The following BABAM2 variants were observed in gnomAD, a reference collection of about 807,000 sequenced individuals.
BABAM2 encodes BRISC and BRCA1 A complex member 2, also known as BRISC and BRCA1-A complex member 2.
In BABAM2, 31 loss-of-function variants were observed where a neutral mutation model predicts 54.7. The observed-to-expected ratio is 0.57, with a 90% CI of 0.43 to 0.77. The LOEUF is 0.77. Ranked by LOEUF, BABAM2 falls within the 30% of genes least tolerant of loss-of-function variation. BABAM2 has a pLI of 0.00. For synonymous variants in BABAM2, 167 were observed against 162.9 expected, an observed-to-expected ratio of 1.03 and a Z score of -0.19; for missense variants, 364 against 455.8, an observed-to-expected ratio of 0.80 and a Z score of 1.83.
rs552881070 is a variant in BABAM2, at chr2:28,314,846, G to A, written c.1088+16355G>A. The stretch of plus-strand genomic sequence containing the variant: ...AGGATTTGATGTGCAGAGAGGGGAG[G>A]ACACTCCTCCAGAGGAAACAGAGTG... On this transcript the variant is annotated intron_variant, in intron 11 of 11. Coordinates refer to ENST00000379624, the MANE Select transcript of BABAM2 (RefSeq NM_199191.3). Among the ~76,000 whole-genome samples, 6 of 151,896 alleles carry A rather than the reference G, an allele frequency of 4.0e-5. No individual in the cohort carries two copies. In the South Asian group the frequency reaches 1.2e-3, roughly 32 times the overall value.
chr2:28,020,888 A>G (rs552326765), intron 4 of BABAM2, among the ~76,000 whole-genome samples: 3 of 151,998 alleles, frequency 2.0e-5, no homozygotes, highest in Admixed American at 2.0e-4. Context: ...GATTAGCTAG[A>G]TTCCCAGAAA....
chr2:28,265,718 G>C (rs1490703492), intron 10 of BABAM2, among the ~76,000 whole-genome samples: 1 of 152,068 alleles, frequency 6.6e-6, no homozygotes, highest in African/African-American at 2.4e-5. Flanking sequence ...CTAAGCCTTT[G>C]AGAAAAACAA....
chr2:28,286,733 GGTGGTTGACACCTCT>G (rs1440809347), intron 10 of BABAM2, among the ~76,000 whole-genome samples: 1 of 152,166 alleles, frequency 6.6e-6, no homozygotes, highest in East Asian at 1.9e-4. Context: ...CATACTGCAT[GGTGGTTGACACCTCT>G]GTTATAACCT....
intron 10 of BABAM2, among the ~76,000 whole-genome samples, chr2:28,283,373 A>G (rs1686543374): frequency 6.6e-6 from 1 of 152,178 alleles, no homozygotes; most frequent in Non-Finnish European, 1.5e-5. Flanking sequence ...ATTTTTAAGT[A>G]AATGTCTCAC....
chr2:28,118,039 G>A lies in BABAM2; in HGVS notation c.571-11232G>A, dbSNP rs563236503. Among the ~76,000 whole-genome samples the A allele has an allele frequency of 1.2e-4, 18 of 152,308 alleles. No individual in the cohort carries two copies. The South Asian group carries it at 3.5e-3, about 30-fold the overall frequency. On this transcript the variant is annotated intron_variant, in intron 6 of 11. Transcript: ENST00000379624. ...TAAAAACTCACTATTGTTTAAACTT[G>A]TTGGGCTCTTGGATTAAAGTCTGGC...
chr2:28,093,675 T>A (rs575934191), intron 6 of BABAM2, among the ~76,000 whole-genome samples: 3 of 152,338 alleles, frequency 2.0e-5, no homozygotes, highest in African/African-American at 7.2e-5. Context: ...TATGAATTAA[T>A]TATTCCATTG....
chr2:27,952,697 GCACTCCAGA>G (rs1020649782), intron 3 of BABAM2, among the ~76,000 whole-genome samples: 1 of 152,130 alleles, frequency 6.6e-6, no homozygotes, highest in Non-Finnish European at 1.5e-5. Context: ...AATGTTACAG[GCACTCCAGA>G]CCAGTTTGGG....
chr2:28,245,101 A>G (rs1362732611), intron 10 of BABAM2, among the ~76,000 whole-genome samples: 1 of 151,980 alleles, frequency 6.6e-6, no homozygotes, highest in African/African-American at 2.4e-5. Flanking sequence ...TTTGATTGTT[A>G]TGACTGAGGG....
chr2:28,112,490 G>A (rs1263359021), intron 6 of BABAM2, among the ~76,000 whole-genome samples: 1 of 151,886 alleles, frequency 6.6e-6, no homozygotes, highest in South Asian at 2.1e-4. Flanking sequence ...AGTTTGCTGA[G>A]AATGGTGGTT....
intron 7 of BABAM2, among the ~76,000 whole-genome samples, chr2:28,190,580 A>G (rs1364163574): frequency 1.3e-5 from 2 of 152,184 alleles, no homozygotes; most frequent in Admixed American, 6.5e-5. Context: ...TTAGCTACTC[A>G]GGAAGCTAAG....
intron 7 of BABAM2, among the ~76,000 whole-genome samples, chr2:28,216,563 A>G (rs1445272615): frequency 6.6e-6 from 1 of 152,192 alleles, no homozygotes; most frequent in Non-Finnish European, 1.5e-5. Flanking sequence ...TCTGAAGTTC[A>G]GGTTGATGGA....
At chr2:27,897,727 T>C (rs750365121) in intron 2 of BABAM2, among the ~76,000 whole-genome samples, 7 of 152,126 alleles carry the variant, frequency 4.6e-5, no homozygotes, top group Non-Finnish European at 8.8e-5. Flanking sequence ...CCCCAGCTTA[T>C]AAATGGTGGT....
chr2:28,180,796 C>G (rs1675539830), intron 7 of BABAM2, among the ~76,000 whole-genome samples: 2 of 151,938 alleles, frequency 1.3e-5, no homozygotes, highest in South Asian at 4.2e-4. Flanking sequence ...AAAAAGTGGG[C>G]AAAGACATGA....
chr2:28,147,920 G>A (rs1671656127), intron 7 of BABAM2, among the ~76,000 whole-genome samples: 1 of 152,092 alleles, frequency 6.6e-6, no homozygotes, highest in Admixed American at 6.5e-5. Context: ...TAGTGATTGA[G>A]ACCACTTAAT....
rs994560542 is a variant in BABAM2, at chr2:28,008,592, C to G, written c.301-16634C>G. The stretch of plus-strand genomic sequence containing the variant: ...TCAATTTGCAAATGCTCCGTAATTC[C>G]TTAATCTTAATGAAACCATCACAAA... On this transcript the variant is annotated intron_variant, in intron 4 of 11. Coordinates refer to ENST00000379624, the MANE Select transcript of BABAM2 (RefSeq NM_199191.3). Among the ~76,000 whole-genome samples the G allele has an allele frequency of 1.2e-4, 18 of 152,228 alleles. 1 individual carries two copies. The highest frequency in any genetic ancestry group is 1.1e-3 in the Admixed American group (17 of 15,276).
intron 5 of BABAM2, among the ~76,000 whole-genome samples, chr2:28,029,454 A>G (rs989672680): frequency 1.3e-5 from 2 of 152,066 alleles, no homozygotes; most frequent in Non-Finnish European, 2.9e-5. Flanking sequence ...ATTGTATAGT[A>G]TTTGTTTTTT....
In BABAM2 at chr2:28,075,445, A is replaced by C. The variant is rs143329598; in HGVS notation, c.570+29646A>C. Reference sequence around the variant, plus strand: ...TAATGCTGTTCCCTTCTAAGCAAAGAATATTTGTGTTTAGGTAAGAAAGAA... The same window carrying C: ...TAATGCTGTTCCCTTCTAAGCAAAGCATATTTGTGTTTAGGTAAGAAAGAA... On this transcript the variant is annotated intron_variant, in intron 6 of 11. Coordinates refer to ENST00000379624, the MANE Select transcript of BABAM2 (RefSeq NM_199191.3). 3.3e-3 allele frequency among the ~76,000 whole-genome samples: 501 copies of C among 152,300 alleles called. 2 individuals carry two copies. Among genetic ancestry groups the C allele is most frequent in the African/African-American group, 0.012 (480 of 41,556 alleles).
intron 11 of BABAM2, among the ~76,000 whole-genome samples, chr2:28,317,700 C>A (rs1040785828): frequency 6.6e-6 from 1 of 152,232 alleles, no homozygotes; most frequent in South Asian, 2.1e-4. Context: ...TCCTCTCTGA[C>A]CACTTACGTA....
intron 5 of BABAM2, among the ~76,000 whole-genome samples, chr2:28,037,350 A>C (rs571466770): frequency 6.6e-6 from 1 of 152,162 alleles, no homozygotes; most frequent in Non-Finnish European, 1.5e-5. Flanking sequence ...TTTTAACTCA[A>C]TATAGCTCAG....
Sources: gnomAD v4.1 joint callset for allele counts (sites outside exome capture counted in the v4.1 genomes callset) on GRCh38, gnomAD v4.1.1 for gene constraint, MANE v1.5 for transcripts, NCBI Gene and HGNC (gene_info 2026-07-23, HGNC 2026-07-21) for gene names.